The following CNTNAP2 variants were observed in gnomAD, a reference collection of about 807,000 sequenced individuals.
The protein encoded by CNTNAP2 is contactin associated protein 2.
Under a neutral mutation model 155.2 loss-of-function variants are expected in CNTNAP2, and 98 were observed. That is an observed-to-expected ratio of 0.63 (90% CI 0.54 to 0.75). The LOEUF is 0.75. CNTNAP2 is among the 30% of genes least tolerant of loss of function. The pLI is 0.00. For missense variants in CNTNAP2, 1,727 were observed against 1,688.1 expected (o/e 1.02, Z -0.40); for synonymous variants, 651 against 631.2 (o/e 1.03, Z -0.47).
At chr7:147,633,893 G>C (rs979688561) in intron 12 of CNTNAP2, among the ~76,000 whole-genome samples, 1 of 152,106 alleles carries the variant, frequency 6.6e-6, no homozygotes, top group South Asian at 2.1e-4. Context: ...ATAGCAACAT[G>C]AGCATGGACT....
At chr7:147,329,172 A>G (rs1425696501) in intron 9 of CNTNAP2, among the ~76,000 whole-genome samples, 1 of 151,940 alleles carries the variant, frequency 6.6e-6, no homozygotes, top group Non-Finnish European at 1.5e-5. Flanking sequence ...ACGCATATAC[A>G]CACACAGGTA....
chr7:147,438,741 T>A (rs532127238), intron 10 of CNTNAP2, among the ~76,000 whole-genome samples: 5 of 152,174 alleles, frequency 3.3e-5, no homozygotes, highest in Non-Finnish European at 5.9e-5. Context: ...ACTGGGAGAC[T>A]TTTTATTATG....
At chr7:148,383,972 G>A (rs908317965) in intron 22 of CNTNAP2, 84 bp downstream of exon 22, 2 of 1,519,740 alleles carry the variant, frequency 1.3e-6, no homozygotes, top group Admixed American at 1.9e-5. Context: ...TTTAATAACA[G>A]AACCTCACTG....
At chr7:146,171,407 A>G (rs1348399898) in intron 1 of CNTNAP2, among the ~76,000 whole-genome samples, 2 of 152,212 alleles carry the variant, frequency 1.3e-5, no homozygotes, top group Non-Finnish European at 2.9e-5. Flanking sequence ...TGAATCACAT[A>G]TGACAAGTAT....
intron 11 of CNTNAP2, among the ~76,000 whole-genome samples, chr7:147,522,183 C>T (rs1017652356): frequency 4.6e-5 from 7 of 152,202 alleles, no homozygotes; most frequent in African/African-American, 1.2e-4. Flanking sequence ...ATGGCCTAAT[C>T]ACCTCCCACA....
intron 15 of CNTNAP2, among the ~76,000 whole-genome samples, chr7:148,093,985 T>C (rs1803908049): frequency 6.6e-6 from 1 of 152,190 alleles, no homozygotes; most frequent in Admixed American, 6.5e-5. Flanking sequence ...CTCAAACTCC[T>C]GAGCTCAAGC....
At chr7:146,321,586 C>A (rs1215036955) in intron 1 of CNTNAP2, among the ~76,000 whole-genome samples, 3 of 152,130 alleles carry the variant, frequency 2.0e-5, no homozygotes, top group Non-Finnish European at 4.4e-5. Flanking sequence ...ACAGTGGCTG[C>A]AGCCGCCTTA....
chr7:147,322,291 T>C (rs1274245349), intron 9 of CNTNAP2, among the ~76,000 whole-genome samples: 2 of 152,170 alleles, frequency 1.3e-5, no homozygotes, highest in African/African-American at 4.8e-5. Context: ...AAGATCTAAG[T>C]CTATGCAAGG....
intron 1 of CNTNAP2, among the ~76,000 whole-genome samples, chr7:146,388,605 A>G (rs1433036060): frequency 1.3e-5 from 2 of 152,096 alleles, no homozygotes; most frequent in Non-Finnish European, 2.9e-5. Context: ...TGAGTTACAA[A>G]CAACCCAATC....
chr7:148,350,473 G>A (rs1328277607), intron 21 of CNTNAP2, among the ~76,000 whole-genome samples: 4 of 152,204 alleles, frequency 2.6e-5, no homozygotes, highest in Admixed American at 6.5e-5. Context: ...AGTAAACAAT[G>A]TGTAATATCC....
intron 11 of CNTNAP2, among the ~76,000 whole-genome samples, chr7:147,551,779 C>T (rs1299766764): frequency 1.3e-5 from 2 of 152,060 alleles, no homozygotes; most frequent in Non-Finnish European, 2.9e-5. Flanking sequence ...GATGGGTGTT[C>T]TCTATTTCTT....
At chr7:146,442,379 G>A (rs1796332033) in intron 1 of CNTNAP2, among the ~76,000 whole-genome samples, 1 of 147,120 alleles carries the variant, frequency 6.8e-6, no homozygotes, top group Non-Finnish European at 1.5e-5. Context: ...TGTGTTAGTG[G>A]TGAGATAGGT....
intron 3 of CNTNAP2, among the ~76,000 whole-genome samples, chr7:146,991,543 C>T (rs966856702): frequency 2.6e-5 from 4 of 152,144 alleles, no homozygotes; most frequent in Non-Finnish European, 4.4e-5. Context: ...AAAGAAGTTA[C>T]GAACAGAATT....
intron 3 of CNTNAP2, among the ~76,000 whole-genome samples, chr7:146,974,647 A>G (rs1797871469): frequency 6.6e-6 from 1 of 152,154 alleles, no homozygotes; most frequent in African/African-American, 2.4e-5. Flanking sequence ...CATTTAGTAA[A>G]AGCATATTGA....
At chr7:146,554,935 A>G (rs1221012649) in intron 1 of CNTNAP2, among the ~76,000 whole-genome samples, 1 of 152,180 alleles carries the variant, frequency 6.6e-6, no homozygotes, top group Non-Finnish European at 1.5e-5. Context: ...TGAACCTCAT[A>G]ATCATCCTGA....
chr7:148,126,821 A>C (rs770456189), intron 16 of CNTNAP2, among the ~76,000 whole-genome samples: 3 of 152,254 alleles, frequency 2.0e-5, no homozygotes, highest in Non-Finnish European at 4.4e-5. Context: ...AGAAGTACGG[A>C]GAAGGGAAGA....
At chr7:146,486,891 A>G (rs1049331893) in intron 1 of CNTNAP2, among the ~76,000 whole-genome samples, 4 of 152,136 alleles carry the variant, frequency 2.6e-5, no homozygotes, top group Non-Finnish European at 5.9e-5. Flanking sequence ...CCTAGATGCC[A>G]AGTGTTTTCT....
chr7:148,074,725 A>G (rs1803449660), intron 15 of CNTNAP2, among the ~76,000 whole-genome samples: 1 of 152,088 alleles, frequency 6.6e-6, no homozygotes, highest in African/African-American at 2.4e-5. Context: ...AATTTATAGA[A>G]ATCCTTTTTC....
In CNTNAP2 at chr7:147,300,127, C is replaced by A. The variant is rs1412765345; in HGVS notation, c.1349-14C>A. 1 of 1,613,736 alleles carries A rather than the reference C, an allele frequency of 6.2e-7. No individual in the cohort carries two copies. The highest frequency in any genetic ancestry group is 8.5e-7 in the Non-Finnish European group (1 of 1,179,762). The stretch of plus-strand genomic sequence containing the variant: ...ATTTTAAGATAAAAATGACTTTTAT[C>A]TTGTACTTACCAGGTTCTGGGTTGA... On this transcript the variant is annotated splice_polypyrimidine_tract_variant and intron_variant, in intron 8 of 23. Transcript: ENST00000361727.
Sources: allele counts gnomAD v4.1 joint callset (sites outside exome capture counted in the v4.1 genomes callset), GRCh38; gene constraint gnomAD v4.1.1; transcripts MANE v1.5; gene names NCBI Gene and HGNC (gene_info 2026-07-23, HGNC 2026-07-21).